Variants in PDZD2 observed in about 807,000 individuals in gnomAD.
The protein encoded by PDZD2 is PDZ domain-containing protein 2.
PDZD2 carries 90 observed loss-of-function variants against 220.7 expected under a neutral mutation model. The observed-to-expected ratio is 0.41, with a 90% confidence interval of 0.34 to 0.49. PDZD2 has a LOEUF of 0.49. PDZD2 is among the 20% of genes least tolerant of loss of function. The probability of loss-of-function intolerance (pLI) is 0.28; values close to 1 mark genes in which losing one functional copy is unlikely to be tolerated. For missense variants in PDZD2, 3,174 were observed against 3,608.5 expected (o/e 0.88, Z 3.08); for synonymous variants, 1,375 against 1,450.5 (o/e 0.95, Z 1.18).
At chr5:31,786,791 T>C (rs1753406715) in intron 1 of PDZD2, among the ~76,000 whole-genome samples, 1 of 152,198 alleles carries the variant, frequency 6.6e-6, no homozygotes, top group African/African-American at 2.4e-5. Context: ...AGCTAGCTAG[T>C]GGCAGAGTGT....
chr5:31,898,489 C>G (rs1741776856), intron 2 of PDZD2, among the ~76,000 whole-genome samples: 1 of 152,204 alleles, frequency 6.6e-6, no homozygotes, highest in South Asian at 2.1e-4. Context: ...GCTTTTCTGA[C>G]AGCTGCTCTA....
At chr5:32,037,550 G>A (rs1485492443) in intron 7 of PDZD2, among the ~76,000 whole-genome samples, 2 of 152,182 alleles carry the variant, frequency 1.3e-5, no homozygotes, top group African/African-American at 4.8e-5. Context: ...ATAACAAAGT[G>A]GATGTCAACA....
intron 2 of PDZD2, among the ~76,000 whole-genome samples, chr5:31,979,809 G>C (rs1197320670): frequency 6.6e-6 from 1 of 152,164 alleles, no homozygotes; most frequent in Non-Finnish European, 1.5e-5. Flanking sequence ...GAATTGCACA[G>C]TGGGCAGAGC....
chr5:31,814,965 G>C (rs539833958), intron 2 of PDZD2, among the ~76,000 whole-genome samples: 1 of 151,798 alleles, frequency 6.6e-6, no homozygotes, highest in African/African-American at 2.4e-5. Flanking sequence ...TGGCAAGGCC[G>C]GGGGCGGTGG....
chr5:31,850,225 A>AATATATAT (rs1757957760), intron 2 of PDZD2, among the ~76,000 whole-genome samples: 1 of 48,436 alleles, frequency 2.1e-5, no homozygotes, highest in African/African-American at 1.6e-4. Context: ...TATATATATA[A>AATATATAT]GTATATATAT....
intron 2 of PDZD2, chr5:31,847,410 C>G (rs1466102207): frequency 2.0e-6 from 1 of 495,782 alleles, no homozygotes; most frequent in Non-Finnish European, 3.8e-6. Flanking sequence ...TACAACACAC[C>G]CAAATACAGG....
chr5:31,698,044 A>G (rs1326374489), intron 1 of PDZD2, among the ~76,000 whole-genome samples: 1 of 150,978 alleles, frequency 6.6e-6, no homozygotes, highest in South Asian at 2.1e-4. Flanking sequence ...CTGGGACTAC[A>G]GTTGCGTGCC....
At chr5:31,978,617 A>G (rs137964657) in intron 2 of PDZD2, among the ~76,000 whole-genome samples, 1 of 151,136 alleles carries the variant, frequency 6.6e-6, no homozygotes, top group African/African-American at 2.4e-5. Context: ...CAGGAGGCTG[A>G]GGCAGGAGAA....
intron 2 of PDZD2, among the ~76,000 whole-genome samples, chr5:31,897,934 T>G (rs558121911): frequency 6.6e-6 from 1 of 152,246 alleles, no homozygotes; most frequent in South Asian, 2.1e-4. Flanking sequence ...TTGGCTGGGT[T>G]TCACCGTGTT....
At chr5:32,016,235 A>T (rs1240180287) in intron 6 of PDZD2, among the ~76,000 whole-genome samples, 1 of 152,198 alleles carries the variant, frequency 6.6e-6, no homozygotes, top group Non-Finnish European at 1.5e-5. Flanking sequence ...CTTGTGTTTT[A>T]TTTGGACTGA....
At chr5:32,104,318 C>A (rs933893500) in intron 24 of PDZD2, among the ~76,000 whole-genome samples, 3 of 151,808 alleles carry the variant, frequency 2.0e-5, no homozygotes, top group African/African-American at 7.3e-5. Flanking sequence ...AGACTGATTT[C>A]TTTGAGTAAG....
intron 2 of PDZD2, among the ~76,000 whole-genome samples, chr5:31,879,347 A>G (rs1057453241): frequency 1.3e-4 from 19 of 149,982 alleles, no homozygotes; most frequent in South Asian, 6.3e-4. Flanking sequence ...AGATCGTGCC[A>G]TTGCACTCCA....
chr5:31,695,692 G>A (rs1039673047), intron 1 of PDZD2, among the ~76,000 whole-genome samples: 7 of 152,248 alleles, frequency 4.6e-5, no homozygotes, highest in African/African-American at 9.6e-5. Context: ...GCGTCCTTCC[G>A]CTGCACCATG....
intron 1 of PDZD2, among the ~76,000 whole-genome samples, chr5:31,730,491 C>T (rs554135376): frequency 2.6e-5 from 4 of 152,038 alleles, no homozygotes; most frequent in East Asian, 3.9e-4. Flanking sequence ...GCCTCCACTC[C>T]GCCATAAGGA....
rs532419297 is a variant in PDZD2, at chr5:31,741,077, A to G, written c.-360-57812A>G. Reference sequence around the variant, plus strand: ...GTAGAAGTCTATTTGGGGGCAAAAAATTGTTTGAAATCCATGCATAATTTT... The same window carrying G: ...GTAGAAGTCTATTTGGGGGCAAAAAGTTGTTTGAAATCCATGCATAATTTT... On this transcript the variant is annotated intron_variant, in intron 1 of 24. Transcript: ENST00000438447. 2.0e-5 allele frequency among the ~76,000 whole-genome samples: 3 copies of G among 152,278 alleles called. No individual in the cohort carries two copies. In the East Asian group the frequency reaches 5.8e-4, roughly 29 times the overall value.
At chr5:32,080,376 G>GGC (rs1561530594) in intron 19 of PDZD2, among the ~76,000 whole-genome samples, 2 of 150,648 alleles carry the variant, frequency 1.3e-5, no homozygotes, top group African/African-American at 4.9e-5. Flanking sequence ...AAAAAGTGGG[G>GGC]GGTGAGGGGT....
rs115812259 is a variant in PDZD2, at chr5:31,921,030, T to C, written c.477-62125T>C. 3.6e-3 allele frequency among the ~76,000 whole-genome samples: 546 copies of C among 152,346 alleles called. 1 individual carries two copies. The highest frequency in any genetic ancestry group is 5.7e-3 in the Non-Finnish European group (387 of 68,036). On this transcript the variant is annotated intron_variant, in intron 2 of 24. Coordinates refer to ENST00000438447, the MANE Select transcript of PDZD2 (RefSeq NM_178140.4). ...AGTCACTTACTCAAGGACATCTTGG[T>C]CATTTCCAAGTTTTGGCAATTATGA...
intron 7 of PDZD2, among the ~76,000 whole-genome samples, chr5:32,045,113 A>C (rs13156866): frequency 0.21 from 32,692 of 152,158 alleles, 4,184 homozygotes; most frequent in Non-Finnish European, 0.29. Flanking sequence ...TCAGCTCAAA[A>C]GGAATTTTCT....
intron 2 of PDZD2, among the ~76,000 whole-genome samples, chr5:31,855,433 G>C (rs1384773512): frequency 6.6e-6 from 1 of 152,242 alleles, no homozygotes; most frequent in Non-Finnish European, 1.5e-5. Context: ...CTGGACGGAA[G>C]GAGGCGCCCC....
Sources: gnomAD v4.1 joint callset for allele counts (sites outside exome capture counted in the v4.1 genomes callset) on GRCh38, gnomAD v4.1.1 for gene constraint, MANE v1.5 for transcripts, NCBI Gene and HGNC (gene_info 2026-07-23, HGNC 2026-07-21) for gene names.